Variants in CNGA1 observed in about 807,000 individuals in gnomAD.
The protein encoded by CNGA1 is cyclic nucleotide-gated channel alpha-1.
CNGA1 carries 53 observed loss-of-function variants against 69.7 expected under a neutral mutation model. The ratio of observed to expected loss-of-function variants is 0.76; its 90% CI spans 0.61 to 0.96. The LOEUF is 0.96. CNGA1 is among the 40% of genes least tolerant of loss of function. The probability of loss-of-function intolerance (pLI) is 0.00; values close to 1 mark genes in which losing one functional copy is unlikely to be tolerated. For synonymous variants in CNGA1, 249 were observed against 283.5 expected (o/e 0.88, Z 1.22); for missense variants, 739 against 811.2 (o/e 0.91, Z 1.08).
rs144145948 is a variant in CNGA1 at position 47,994,561 on chromosome 4, C to T, written c.-122-13061G>A. ...CCTTTATCTTAAGTTTATGTGAGTCCTTATGTGTTAGGTGAGTCTCCTGAA... is the reference window on the plus strand; with the variant it reads ...CCTTTATCTTAAGTTTATGTGAGTCTTTATGTGTTAGGTGAGTCTCCTGAA... On this transcript the variant is annotated intron_variant, in intron 2 of 10. Coordinates refer to ENST00000514170, the MANE Select transcript of CNGA1 (RefSeq NM_001379270.1). 6.8e-3 allele frequency among the ~76,000 whole-genome samples: 1,038 copies of T among 151,970 alleles called. 7 individuals carry two copies. The highest frequency in any genetic ancestry group is 0.023 in the African/African-American group (955 of 41,438).
Position 47,937,761 on chromosome 4 carries a change from G to C in CNGA1, c.721C>G (p.Gln241Glu), listed in dbSNP as rs748902647. ...KLINKYKSNL[Q>E]FKLDVLSLIP... Reference sequence around the variant, plus strand: ...AGTGACAGAACATCAAGTTTAAATTGCAAGTTGGATTTATATTTATTTATG... The same window carrying C: ...AGTGACAGAACATCAAGTTTAAATTCCAAGTTGGATTTATATTTATTTATG... The change falls in exon 11 of 11, where the codon CAA becomes GAA. Residue 241 changes from glutamine to glutamate, a missense_variant. Transcript: ENST00000514170. 3.7e-6 allele frequency: 6 copies of C among 1,613,520 alleles called. No homozygotes were observed. The African/African-American group carries it at 8.0e-5, about 22-fold the overall frequency.
intron 3 of CNGA1, among the ~76,000 whole-genome samples, chr4:47,971,978 C>A (rs2110199015): frequency 6.6e-6 from 1 of 152,254 alleles, no homozygotes; most frequent in East Asian, 1.9e-4. Context: ...TCCCTAGGAG[C>A]AGTCACTACT....
At chr4:47,974,483 G>A (rs1295154831) in intron 3 of CNGA1, among the ~76,000 whole-genome samples, 6 of 151,756 alleles carry the variant, frequency 4.0e-5, no homozygotes, top group Non-Finnish European at 7.4e-5. Flanking sequence ...GTTTCAGTTA[G>A]GAGGAATAAG....
intron 3 of CNGA1, among the ~76,000 whole-genome samples, chr4:47,961,941 AT>A (rs1400778017): frequency 1.3e-5 from 2 of 152,254 alleles, no homozygotes; most frequent in Non-Finnish European, 2.9e-5. Context: ...AATTTTATAA[AT>A]CTAAATATAT....
chr4:47,959,084 A>C lies in CNGA1; in HGVS notation c.-14-6381T>G, dbSNP rs545158812. 9.2e-5 allele frequency: 14 copies of C among 152,360 alleles called. No individual in the cohort carries two copies. In the South Asian group the frequency reaches 2.9e-3, roughly 32 times the overall value. The allele number at this position is 152,360 out of a possible 1,614,324, so 9.4% of individuals were successfully genotyped here. The stretch of plus-strand genomic sequence containing the variant: ...AGAAGATTTTATGTGATCAATCAAC[A>C]AAGACATGAAGCATGGAGATTTTGA... On this transcript the variant is annotated intron_variant, in intron 3 of 10. Transcript: ENST00000514170.
chr4:47,965,467 C>T (rs1740671535), intron 3 of CNGA1, among the ~76,000 whole-genome samples: 1 of 150,998 alleles, frequency 6.6e-6, no homozygotes, highest in Middle Eastern at 3.2e-3. Flanking sequence ...CACTCTGTCA[C>T]CCAGACTGGA....
At chr4:48,008,261 A>T (rs1217870211) in intron 2 of CNGA1, among the ~76,000 whole-genome samples, 1 of 152,150 alleles carries the variant, frequency 6.6e-6, no homozygotes, top group East Asian at 1.9e-4. Context: ...TTTGTCCTGA[A>T]CATCCCTTTC....
At chr4:47,955,553 TC>T (rs1368762963) in intron 3 of CNGA1, among the ~76,000 whole-genome samples, 1 of 152,194 alleles carries the variant, frequency 6.6e-6, no homozygotes, top group Non-Finnish European at 1.5e-5. Flanking sequence ...AAAGTGGTGT[TC>T]CAGCTGCAGT....
At chr4:48,009,736 A>G (rs1715069977) in intron 2 of CNGA1, among the ~76,000 whole-genome samples, 1 of 152,150 alleles carries the variant, frequency 6.6e-6, no homozygotes, top group African/African-American at 2.4e-5. Context: ...CCCAAGAGAC[A>G]GAGGTTGTAT....
intron 2 of CNGA1, among the ~76,000 whole-genome samples, chr4:47,992,615 A>T (rs925659566): frequency 6.6e-6 from 1 of 152,042 alleles, no homozygotes; most frequent in East Asian, 1.9e-4. Context: ...ATCAGCAAAC[A>T]GTGACAGTTT....
At chr4:48,009,392 G>A (rs1168150383) in intron 2 of CNGA1, among the ~76,000 whole-genome samples, 1 of 148,392 alleles carries the variant, frequency 6.7e-6, no homozygotes, top group Non-Finnish European at 1.5e-5. Flanking sequence ...TTGAACCCGG[G>A]AAGCAGAGGT....
At chr4:47,940,615 C>T (rs867609325) in intron 10 of CNGA1, 148 bp downstream of exon 10, 198 of 633,088 alleles carry the variant, frequency 3.1e-4, no homozygotes, top group Middle Eastern at 2.2e-3. Context: ...GTTTATACAT[C>T]GTGACTCTTG....
chr4:47,944,106 C>T (rs945129598), intron 6 of CNGA1, among the ~76,000 whole-genome samples: 2 of 152,136 alleles, frequency 1.3e-5, no homozygotes, highest in Non-Finnish European at 2.9e-5. Flanking sequence ...ATTAGCCAGA[C>T]ATGAATGAAC....
intron 6 of CNGA1, among the ~76,000 whole-genome samples, chr4:47,946,020 C>T (rs940143773): frequency 6.6e-6 from 1 of 152,160 alleles, no homozygotes; most frequent in African/African-American, 2.4e-5. Flanking sequence ...CGGCACAACT[C>T]CCACCCCTAC....
chr4:47,959,349 C>A (rs1352629353), intron 3 of CNGA1, among the ~76,000 whole-genome samples: 1 of 152,164 alleles, frequency 6.6e-6, no homozygotes, highest in Non-Finnish European at 1.5e-5. Context: ...CCCACTAATT[C>A]CATGTTCACT....
rs1560618711 is a variant in CNGA1 at position 47,938,902 on chromosome 4, A to G, written c.653-1073T>C. On this transcript the variant is annotated intron_variant, in intron 10 of 10. Transcript: ENST00000514170. ...GACCAGCTTAAGTCTCTATGATATT[A>G]TTTGAAAGAAAAAAAGAAAGAAAGA... Among the ~76,000 whole-genome samples, 2 of 150,978 alleles carry G rather than the reference A, an allele frequency of 1.3e-5. 1 individual carries two copies. The highest frequency in any genetic ancestry group is 3.9e-4 in the East Asian group (2 of 5,106).
At position 47,936,562 on chromosome 4, in the gene CNGA1, G is replaced by GA. The variant is rs747005447; in HGVS notation, c.1919dup (p.Ala642GlyfsTer2). On this transcript the variant is annotated frameshift_variant, in exon 11 of 11. Coordinates refer to ENST00000514170, the MANE Select transcript of CNGA1 (RefSeq NM_001379270.1). LOFTEE classifies it high-confidence loss of function. ...GCTGCATGGACTCATACTCAGCCAA[G>GA]ATTCGGGCAAACCTGGTTTGCAGGA... The GA allele has an allele frequency of 3.7e-6, 6 of 1,614,188 alleles. No homozygotes were observed. The South Asian group carries it at 6.6e-5, about 18-fold the overall frequency.
At chr4:47,942,534 G>A (rs975075134) in intron 8 of CNGA1, among the ~76,000 whole-genome samples, 1 of 152,150 alleles carries the variant, frequency 6.6e-6, no homozygotes, top group Non-Finnish European at 1.5e-5. Flanking sequence ...GCAGTCAGTT[G>A]TATACCTCAG....
chr4:47,977,234 A>G (rs534771325), intron 3 of CNGA1, among the ~76,000 whole-genome samples: 7 of 152,316 alleles, frequency 4.6e-5, no homozygotes, highest in Admixed American at 3.9e-4. Context: ...ACCCAACCCA[A>G]TCTGACTGGT....
Sources: gnomAD v4.1 joint callset for allele counts (sites outside exome capture counted in the v4.1 genomes callset) on GRCh38, gnomAD v4.1.1 for gene constraint, MANE v1.5 for transcripts, NCBI Gene and HGNC (gene_info 2026-07-23, HGNC 2026-07-21) for gene names.